Variants in TOPBP1 observed in about 807,000 individuals in gnomAD.
TOPBP1 encodes the protein DNA topoisomerase 2-binding protein 1.
In TOPBP1, 28 loss-of-function variants were observed where a neutral mutation model predicts 167.7. The ratio of observed to expected loss-of-function variants is 0.17; its 90% CI spans 0.12 to 0.23. The LOEUF (loss-of-function observed/expected upper bound fraction) is 0.23. TOPBP1 is among the 10% of genes least tolerant of loss of function. The probability of loss-of-function intolerance (pLI) is 1.00; values close to 1 mark genes in which losing one functional copy is unlikely to be tolerated. For synonymous variants in TOPBP1, 598 were observed against 611.4 expected (o/e 0.98, Z 0.32); for missense variants, 1,554 against 1,809.6 (o/e 0.86, Z 2.56).
At chr3:133,619,649 CTTA>C (rs1207351592) in intron 20 of TOPBP1, among the ~76,000 whole-genome samples, 1 of 152,184 alleles carries the variant, frequency 6.6e-6, no homozygotes, top group Non-Finnish European at 1.5e-5. Flanking sequence ...TATATATGTA[CTTA>C]TTGTTTAATA....
chr3:133,603,687 A>ATGGCGTGATC lies in TOPBP1; in HGVS notation c.4426-2295_4426-2294insGATCACGCCA, dbSNP rs1350080054. On this transcript the variant is annotated intron_variant, in intron 27 of 27. Transcript: ENST00000260810. ...AACAACTAGCAACAAAGTTTGAAAT[A>ATGGCGTGATC]AATGGGGTAAAAGCTGACAAAATTA... 6.3e-4 allele frequency among the ~76,000 whole-genome samples: 96 copies of ATGGCGTGATC among 152,242 alleles called. 3 individuals carry two copies. The highest frequency in any genetic ancestry group is 3.4e-3 in the Middle Eastern group (1 of 294).
chr3:133,606,478 T>G, intron 27 of TOPBP1, among the ~76,000 whole-genome samples: 1 of 145,668 alleles, frequency 6.9e-6, no homozygotes, highest in South Asian at 2.3e-4. Context: ...GCAATCCTAA[T>G]CTTAACCACT....
At chr3:133,652,178 C>A (rs1253368923) in intron 8 of TOPBP1, among the ~76,000 whole-genome samples, 1 of 151,756 alleles carries the variant, frequency 6.6e-6, no homozygotes, top group Non-Finnish European at 1.5e-5. Context: ...AAACTAAGTG[C>A]TCTCGAAATA....
At chr3:133,620,451 T>C (rs1935048105) in intron 19 of TOPBP1, 104 bp from the exon 20 acceptor site, 3 of 1,162,394 alleles carry the variant, frequency 2.6e-6, no homozygotes, top group African/African-American at 1.5e-5. Flanking sequence ...ACTTATTGAC[T>C]TGACATTTAC....
At chr3:133,659,205 T>A in intron 2 of TOPBP1, 55 bp from the exon 3 acceptor site, 3 of 1,460,874 alleles carry the variant, frequency 2.1e-6, no homozygotes, top group Non-Finnish European at 2.7e-6. Flanking sequence ...TGTATTTAGG[T>A]CCTATTCAAA....
At chr3:133,653,127 AAC>A (rs1352113430) in intron 7 of TOPBP1, among the ~76,000 whole-genome samples, 2 of 152,206 alleles carry the variant, frequency 1.3e-5, no homozygotes, top group South Asian at 2.1e-4. Context: ...TTTGCATTAC[AAC>A]AGAGTATAAA....
rs908229740 is a variant in TOPBP1 at position 133,623,917 on chromosome 3, T to C, written c.2928+135A>G. 255 of 1,078,126 alleles carry C rather than the reference T, an allele frequency of 2.4e-4. 1 individual carries two copies. Among genetic ancestry groups the C allele is most frequent in the Non-Finnish European group, 3.0e-4 (238 of 790,266 alleles). The allele number at this position is 1,078,126 out of a possible 1,614,324, so 66.8% of individuals were successfully genotyped here. On this transcript the variant is annotated intron_variant, in intron 17 of 27. Coordinates refer to ENST00000260810, the MANE Select transcript of TOPBP1 (RefSeq NM_007027.4). ...AGTTTTTGATGCCAAAGATCTGAAA[T>C]GTGTACAGTTAACCAAGACTATTAA...
intron 23 of TOPBP1, among the ~76,000 whole-genome samples, chr3:133,616,376 C>A (rs1269267429): frequency 1.3e-5 from 2 of 152,136 alleles, no homozygotes; most frequent in Non-Finnish European, 2.9e-5. Flanking sequence ...CCCACCTCAG[C>A]CTCCCAAAGT....
At position 133,620,223 on chromosome 3, in the gene TOPBP1, G is replaced by A. The variant is rs374825782; in HGVS notation, c.3303C>T (p.Ser1101=). 2.2e-5 allele frequency: 36 copies of A among 1,613,752 alleles called. No individual in the cohort carries two copies. The highest frequency in any genetic ancestry group is 6.7e-5 in the East Asian group (3 of 44,868). The change falls in exon 20 of 28, where the codon AGC becomes AGT. Residue 1101 remains serine, a synonymous_variant. Coordinates refer to ENST00000260810, the MANE Select transcript of TOPBP1 (RefSeq NM_007027.4). The part of the protein sequence containing the change: ...RTSLSRSGCN[S]ASSTPDSTRS... ...GAGTGCTGTCAGGGGTTGAAGATGC[G>A]CTGTTACAACCACTTCTTGAAAGGG... is the stretch of plus-strand genomic sequence containing the variant.
At chr3:133,652,000 G>A (rs1233944178) in intron 8 of TOPBP1, among the ~76,000 whole-genome samples, 1 of 152,100 alleles carries the variant, frequency 6.6e-6, no homozygotes, top group Non-Finnish European at 1.5e-5. Context: ...GCCAGGTGTA[G>A]TGGCACATGC....
At chr3:133,631,712 C>A (rs1299359645) in intron 14 of TOPBP1, among the ~76,000 whole-genome samples, 1 of 152,130 alleles carries the variant, frequency 6.6e-6, no homozygotes, top group Non-Finnish European at 1.5e-5. Flanking sequence ...GACCTTGGTG[C>A]AATGCAATCT....
At chr3:133,658,667 G>A (rs1248717718) in intron 3 of TOPBP1, among the ~76,000 whole-genome samples, 1 of 151,724 alleles carries the variant, frequency 6.6e-6, no homozygotes, top group Non-Finnish European at 1.5e-5. Context: ...AAATCAGCCG[G>A]GTGTGTATAT....
At position 133,659,061 on chromosome 3, in the gene TOPBP1, A is replaced by G. The variant is rs374809934; in HGVS notation, c.174T>C (p.Tyr58=). Residue 58 remains tyrosine (Y), a synonymous_variant, in exon 3 of 28, where the codon TAT becomes TAC. Coordinates refer to ENST00000260810, the MANE Select transcript of TOPBP1 (RefSeq NM_007027.4). Reference sequence around the variant, plus strand: ...CAACGCCACTAAAAGGGTCACAGATATAAAGTGATCTATCATTCTCCTTTA... The same window carrying G: ...CAACGCCACTAAAAGGGTCACAGATGTAAAGTGATCTATCATTCTCCTTTA... ...LKIKENDRSL[Y]ICDPFSGVVF... 184 of 1,598,402 alleles carry G rather than the reference A, an allele frequency of 1.2e-4. No individual in the cohort carries two copies. The highest frequency in any genetic ancestry group is 1.5e-4 in the Non-Finnish European group (179 of 1,172,188).
chr3:133,624,581 T>C (rs1379928067), intron 16 of TOPBP1, among the ~76,000 whole-genome samples: 1 of 152,242 alleles, frequency 6.6e-6, no homozygotes, highest in Non-Finnish European at 1.5e-5. Flanking sequence ...AAGAATATCC[T>C]TTAAAATATT....
In TOPBP1 at chr3:133,601,238, G is replaced by A. The variant is rs751249992; in HGVS notation, c.*12C>T. The A allele has an allele frequency of 7.6e-6, 12 of 1,587,326 alleles. No homozygotes were observed. Among genetic ancestry groups the A allele is most frequent in the African/African-American group, 2.7e-5 (2 of 73,012 alleles). ...AAACATTTAATGTTTGGTAACTAAA[G>A]GGTAGATGCGATTAGTGTACTCTAG... On this transcript the variant is annotated 3_prime_UTR_variant, in exon 28 of 28. Transcript: ENST00000260810.
At chr3:133,635,421 TAAA>T (rs200124686) in intron 14 of TOPBP1, among the ~76,000 whole-genome samples, 8 of 150,244 alleles carry the variant, frequency 5.3e-5, no homozygotes, top group African/African-American at 1.2e-4. Context: ...CCCAGCTAAT[TAAA>T]AAAAAAATTT....
At chr3:133,614,683 G>C (rs915446089) in intron 23 of TOPBP1, among the ~76,000 whole-genome samples, 1 of 152,086 alleles carries the variant, frequency 6.6e-6, no homozygotes, top group African/African-American at 2.4e-5. Context: ...GACACTTGAA[G>C]CCTTTCATTT....
At chr3:133,612,952 C>G (rs141232957) in intron 23 of TOPBP1, among the ~76,000 whole-genome samples, 74 of 152,182 alleles carry the variant, frequency 4.9e-4, no homozygotes, top group African/African-American at 1.7e-3. Context: ...ACCACAACCT[C>G]CAGCTCAAGC....
intron 16 of TOPBP1, among the ~76,000 whole-genome samples, chr3:133,625,552 A>G (rs2107790713): frequency 6.6e-6 from 1 of 152,148 alleles, no homozygotes; most frequent in East Asian, 1.9e-4. Context: ...ACCAACATGG[A>G]GAAACCACAT....
Sources: gnomAD v4.1 joint callset for allele counts (sites outside exome capture counted in the v4.1 genomes callset) on GRCh38, gnomAD v4.1.1 for gene constraint, MANE v1.5 for transcripts, NCBI Gene and HGNC (gene_info 2026-07-23, HGNC 2026-07-21) for gene names.